Variants in CDH11 observed in about 807,000 individuals in gnomAD.
CDH11 encodes cadherin 11, also known as cadherin-11.
In CDH11, 11 loss-of-function variants were observed where a neutral mutation model predicts 67.8. That is an observed-to-expected ratio of 0.16 (90% CI 0.10 to 0.27). The LOEUF is 0.27. CDH11 is among the 10% of genes least tolerant of loss of function. CDH11 has a pLI of 1.00. For synonymous variants in CDH11, 419 were observed against 400.0 expected, an observed-to-expected ratio of 1.05 and a Z score of -0.57; for missense variants, 847 against 1,031.2, an observed-to-expected ratio of 0.82 and a Z score of 2.45.
At chr16:65,096,403 C>G (rs1175209442) in intron 1 of CDH11, among the ~76,000 whole-genome samples, 2 of 133,968 alleles carry the variant, frequency 1.5e-5, no homozygotes, top group African/African-American at 5.6e-5. Flanking sequence ...ATAAATCTTT[C>G]GGGGTGTGTG....
At chr16:64,988,098 T>C (rs528956240) in intron 7 of CDH11, 59 bp downstream of exon 7, 244 of 1,351,466 alleles carry the variant, frequency 1.8e-4, no homozygotes, top group Non-Finnish European at 2.1e-4. Context: ...TTTCTTGCAG[T>C]GTTGCCTTGG....
intron 6 of CDH11, among the ~76,000 whole-genome samples, chr16:64,990,542 T>TCTGTACATACATAGACAG (rs2072601904): frequency 6.6e-6 from 1 of 151,728 alleles, no homozygotes; most frequent in Admixed American, 6.6e-5. Context: ...TGTCCATTCA[T>TCTGTACATACATAGACAG]ACACATCTGT....
At chr16:64,953,707 T>C (rs996338242) in intron 11 of CDH11, among the ~76,000 whole-genome samples, 18 of 152,084 alleles carry the variant, frequency 1.2e-4, no homozygotes, top group Admixed American at 3.9e-4. Flanking sequence ...ATATTTTCTC[T>C]TCTTGTATAT....
intron 12 of CDH11, among the ~76,000 whole-genome samples, chr16:64,949,970 T>C (rs952723474): frequency 2.6e-5 from 4 of 152,182 alleles, no homozygotes; most frequent in Non-Finnish European, 5.9e-5. Context: ...TAAAGCTCCA[T>C]GAATTCATTC....
At chr16:65,098,527 T>TGTGTGTGTGTGC (rs2074937371) in intron 1 of CDH11, among the ~76,000 whole-genome samples, 3 of 151,868 alleles carry the variant, frequency 2.0e-5, no homozygotes, top group Admixed American at 2.0e-4. Flanking sequence ...TGTGTGTGTG[T>TGTGTGTGTGTGC]GTGTGTGTGT....
At chr16:64,976,382 T>C (rs1328319917) in intron 8 of CDH11, among the ~76,000 whole-genome samples, 1 of 152,026 alleles carries the variant, frequency 6.6e-6, no homozygotes, top group Non-Finnish European at 1.5e-5. Flanking sequence ...CAAAAATGTG[T>C]CTAATGCTAC....
chr16:64,946,688 G>A lies in CDH11; in HGVS notation c.*915C>T. ...GACAGACAACAACAGATCATAAATA[G>A]GGTTATTAAAAGATCACAATTAAAT... On this transcript the variant is annotated 3_prime_UTR_variant, in exon 13 of 13. Transcript: ENST00000268603. 2.1e-6 allele frequency: 2 copies of A among 946,112 alleles called. No individual in the cohort carries two copies. Among genetic ancestry groups the A allele is most frequent in the Non-Finnish European group, 2.6e-6 (2 of 781,460 alleles). The allele number at this position is 946,112 out of a possible 1,614,324, so 58.6% of individuals were successfully genotyped here.
chr16:65,070,943 G>T (rs973192362), intron 1 of CDH11, among the ~76,000 whole-genome samples: 4 of 152,224 alleles, frequency 2.6e-5, no homozygotes, highest in Non-Finnish European at 5.9e-5. Flanking sequence ...CACATGGCTT[G>T]TGAGATCAGC....
chr16:64,960,459 T>C (rs763936796), intron 11 of CDH11, among the ~76,000 whole-genome samples: 2 of 152,132 alleles, frequency 1.3e-5, no homozygotes, highest in African/African-American at 2.4e-5. Flanking sequence ...AAATGTGTTA[T>C]ACGGTTAGAA....
intron 2 of CDH11, among the ~76,000 whole-genome samples, chr16:65,039,143 C>A (rs74026233): frequency 6.6e-6 from 1 of 152,138 alleles, no homozygotes; most frequent in Non-Finnish European, 1.5e-5. Context: ...CTGTAGAATG[C>A]GCACTTGCCT....
At chr16:65,067,048 C>A (rs1379940412) in intron 1 of CDH11, among the ~76,000 whole-genome samples, 3 of 152,228 alleles carry the variant, frequency 2.0e-5, no homozygotes, top group Non-Finnish European at 4.4e-5. Context: ...GTGGGGAGAG[C>A]TGGAGGGAGG....
At chr16:65,118,500 G>A (rs559550524) in intron 1 of CDH11, among the ~76,000 whole-genome samples, 1 of 152,114 alleles carries the variant, frequency 6.6e-6, no homozygotes, top group Admixed American at 6.5e-5. Flanking sequence ...TATTTCAGAG[G>A]CAATAACTTT....
intron 2 of CDH11, among the ~76,000 whole-genome samples, chr16:65,010,950 G>GAT: frequency 1.1e-5 from 1 of 88,992 alleles, no homozygotes; most frequent in South Asian, 5.9e-4. Flanking sequence ...ATATATGTGT[G>GAT]ACATATATAT....
At chr16:65,095,582 T>C (rs529753412) in intron 1 of CDH11, among the ~76,000 whole-genome samples, 124 of 152,118 alleles carry the variant, frequency 8.2e-4, no homozygotes, top group Non-Finnish European at 1.1e-3. Flanking sequence ...CCTCCTAGAT[T>C]ATCTGGAAGG....
At chr16:64,956,087 T>C (rs1028115361) in intron 11 of CDH11, among the ~76,000 whole-genome samples, 4 of 152,218 alleles carry the variant, frequency 2.6e-5, no homozygotes, top group African/African-American at 9.6e-5. Flanking sequence ...AGAGACTTCC[T>C]AGATCTTTTT....
intron 1 of CDH11, among the ~76,000 whole-genome samples, chr16:65,112,799 T>G (rs1368213234): frequency 1.3e-5 from 2 of 152,150 alleles, no homozygotes; most frequent in African/African-American, 4.8e-5. Flanking sequence ...CAAAGTATTA[T>G]CAAACAGCGT....
intron 11 of CDH11, among the ~76,000 whole-genome samples, chr16:64,959,140 A>G (rs2071603105): frequency 6.6e-6 from 1 of 152,224 alleles, no homozygotes; most frequent in Admixed American, 6.5e-5. Context: ...TCTTCCAATT[A>G]TTGCCTTTTG....
intron 8 of CDH11, among the ~76,000 whole-genome samples, chr16:64,978,951 A>G (rs2072252658): frequency 6.6e-6 from 1 of 152,188 alleles, no homozygotes. Flanking sequence ...TTATGCCTCA[A>G]AGGACACTAT....
intron 11 of CDH11, among the ~76,000 whole-genome samples, chr16:64,968,806 G>T (rs148015777): frequency 1.5e-3 from 222 of 152,252 alleles, no homozygotes; most frequent in African/African-American, 5.0e-3. Flanking sequence ...TCTCAGCCGA[G>T]AAATTTGGTA....
Sources: gnomAD v4.1 joint callset for allele counts (sites outside exome capture counted in the v4.1 genomes callset) on GRCh38, gnomAD v4.1.1 for gene constraint, MANE v1.5 for transcripts, NCBI Gene and HGNC (gene_info 2026-07-23, HGNC 2026-07-21) for gene names.